The following TENM3 variants were observed in gnomAD, a reference collection of about 807,000 sequenced individuals.
TENM3 encodes the protein teneurin transmembrane protein 3.
Under a neutral mutation model 255.1 loss-of-function variants are expected in TENM3, and 63 were observed. The observed-to-expected ratio is 0.25, with a 90% CI of 0.20 to 0.30. TENM3 has a LOEUF of 0.30. Among genes scored for constraint, TENM3 ranks in the 10% least tolerant of loss-of-function variants. The probability of loss-of-function intolerance (pLI) is 1.00; values close to 1 mark genes in which losing one functional copy is unlikely to be tolerated. For missense variants in TENM3, 2,929 were observed against 3,461.1 expected, an observed-to-expected ratio of 0.85 and a Z score of 3.86; for synonymous variants, 1,306 against 1,322.3, an observed-to-expected ratio of 0.99 and a Z score of 0.27.
At chr4:181,963,729 G>A in the TENM3 span, among the ~76,000 whole-genome samples, 3 of 152,146 alleles carry the variant, frequency 2.0e-5, no homozygotes, top group East Asian at 1.9e-4. Flanking sequence ...TGGATAGAAC[G>A]CAAAGATGAA....
chr4:182,618,603 C>T (rs1237906755), intron 4 of TENM3, among the ~76,000 whole-genome samples: 1 of 148,944 alleles, frequency 6.7e-6, no homozygotes, highest in Non-Finnish European at 1.5e-5. Context: ...ACAAAGCATG[C>T]CTGCTAAGAC....
At chr4:182,755,483 A>G (rs904103486) in intron 22 of TENM3, 16 of 474,930 alleles carry the variant, frequency 3.4e-5, no homozygotes, top group African/African-American at 2.6e-4. Flanking sequence ...TCGAGGCCAC[A>G]GTGAGCTATG....
chr4:182,731,882 C>T (rs374457957), intron 16 of TENM3, among the ~76,000 whole-genome samples: 9 of 151,508 alleles, frequency 5.9e-5, no homozygotes, highest in East Asian at 3.9e-4. Flanking sequence ...CCCGGGTTCA[C>T]GCCATTCTCC....
At chr4:181,512,403 TAGTA>T in the TENM3 span, among the ~76,000 whole-genome samples, 103 of 152,326 alleles carry the variant, frequency 6.8e-4, no homozygotes, top group African/African-American at 2.3e-3. Context: ...CTTTTTTTCT[TAGTA>T]AGAAAATGCC....
chr4:182,588,473 A>G (rs1746267820), intron 3 of TENM3, among the ~76,000 whole-genome samples: 1 of 152,142 alleles, frequency 6.6e-6, no homozygotes, highest in African/African-American at 2.4e-5. Context: ...ATATCATATC[A>G]TATATACTCC....
intron 3 of TENM3, among the ~76,000 whole-genome samples, chr4:182,348,637 A>G (rs900131424): frequency 2.0e-5 from 3 of 152,146 alleles, no homozygotes; most frequent in Admixed American, 2.0e-4. Flanking sequence ...CTTTCCAAAC[A>G]AACCTTCTAT....
intron 6 of TENM3, among the ~76,000 whole-genome samples, chr4:182,657,481 G>A (rs1340692154): frequency 6.6e-6 from 1 of 151,968 alleles, no homozygotes; most frequent in East Asian, 1.9e-4. Context: ...ATCTTTGCGG[G>A]GGTCCTCTTG....
At chr4:181,913,827 T>C in the TENM3 span, among the ~76,000 whole-genome samples, 1 of 152,194 alleles carries the variant, frequency 6.6e-6, no homozygotes, top group Non-Finnish European at 1.5e-5. Context: ...GTCTCTCTCT[T>C]GGATTTTAAA....
chr4:181,528,198 A>G, the TENM3 span, among the ~76,000 whole-genome samples: 1 of 152,150 alleles, frequency 6.6e-6, no homozygotes, highest in Non-Finnish European at 1.5e-5. Flanking sequence ...TTGGACGTTT[A>G]CTTTTTGGTA....
Position 182,781,136 on chromosome 4 carries a change from G to A in TENM3, c.5304+5983G>A, listed in dbSNP as rs546127677. Among the ~76,000 whole-genome samples, 10 of 152,252 alleles carry A rather than the reference G, an allele frequency of 6.6e-5. No homozygotes were observed. The East Asian group carries it at 1.2e-3, about 18-fold the overall frequency. ...GAGAGGGCGTCCCTGTCTTGTGCCA[G>A]TTGTCAAAGGGAATGCTTCCAGTTT... On this transcript the variant is annotated intron_variant, in intron 24 of 27. Transcript: ENST00000511685.
intron 5 of TENM3, among the ~76,000 whole-genome samples, chr4:182,651,117 C>G (rs1160219444): frequency 6.6e-6 from 1 of 151,946 alleles, no homozygotes; most frequent in African/African-American, 2.4e-5. Context: ...ACAATGATGA[C>G]AAATTATTTT....
At chr4:181,969,282 T>C in the TENM3 span, among the ~76,000 whole-genome samples, 1 of 152,162 alleles carries the variant, frequency 6.6e-6, no homozygotes, top group Non-Finnish European at 1.5e-5. Flanking sequence ...TCATGTTTTA[T>C]AACAACTCTG....
At position 182,397,953 on chromosome 4, in the gene TENM3, ACATGTGGCCCCTC is replaced by A. The variant is rs564067790; in HGVS notation, c.511+51033_511+51045del. 8.5e-5 allele frequency among the ~76,000 whole-genome samples: 13 copies of A among 152,268 alleles called. No homozygotes were observed. In the East Asian group the frequency reaches 2.5e-3, roughly 29 times the overall value. ...GCAGTGGTGATTTCATTAGGTTCTTACATGTGGCCCCTCCATGTGGCAGGCTTTAGTTCTCTGT... is the reference window on the plus strand; with the variant it reads ...GCAGTGGTGATTTCATTAGGTTCTTACATGTGGCAGGCTTTAGTTCTCTGT... On this transcript the variant is annotated intron_variant, in intron 3 of 27. Transcript: ENST00000511685.
rs1350829664 is a variant in TENM3, at chr4:182,792,730, A to G, written c.6058A>G (p.Ser2020Gly). Residue 2020 changes from serine (S) to glycine (G), a missense_variant, in exon 26 of 28, where the codon AGC (serine) becomes GGC (glycine). By Grantham distance (56) the Ser-to-Gly change is moderately conservative (BLOSUM62 0). Around this residue, in one of 6 missense-constraint regions of TENM3, gnomAD observed 303 missense variants for 425.2 expected, o/e 0.71. Coordinates refer to ENST00000511685, the MANE Select transcript of TENM3 (RefSeq NM_001080477.4). This position sits in a 1 kb window ranked among gnomAD's most constrained non-coding sequence, Gnocchi z 6.3. ...GATGGTAAATGCAAGATTTGACTAT[A>G]GCTATGACAACAGCTTTCGAGTGAC... The part of the protein sequence containing the change: ...DGMVNARFDY[S>G]YDNSFRVTSM... The G allele has an allele frequency of 6.2e-7, 1 of 1,614,002 alleles. No homozygotes were observed. The highest frequency in any genetic ancestry group is 1.7e-5 in the Admixed American group (1 of 60,030).
At chr4:182,659,281 T>C (rs1050852950) in intron 6 of TENM3, among the ~76,000 whole-genome samples, 2 of 151,712 alleles carry the variant, frequency 1.3e-5, no homozygotes, top group African/African-American at 2.4e-5. Flanking sequence ...TTTAGTTACC[T>C]GTAGTCCACT....
At chr4:181,701,562 TTCTCAGTCTGAAATAAATCA>T in the TENM3 span, among the ~76,000 whole-genome samples, 2 of 52,984 alleles carry the variant, frequency 3.8e-5, no homozygotes, top group Non-Finnish European at 5.7e-5. Context: ...ATAAATCAGT[TTCTCAGTCTGAAATAAATCA>T]GTTTCCCTAA....
intron 1 of TENM3, among the ~76,000 whole-genome samples, chr4:182,265,695 T>C (rs1277731093): frequency 6.6e-6 from 1 of 152,200 alleles, no homozygotes; most frequent in Non-Finnish European, 1.5e-5. Context: ...ACAACTATTG[T>C]AATCTTCTGC....
chr4:181,862,608 T>G, the TENM3 span, among the ~76,000 whole-genome samples: 2 of 152,140 alleles, frequency 1.3e-5, no homozygotes, highest in Non-Finnish European at 2.9e-5. Context: ...TATTTTCAGG[T>G]CTTACGATGT....
intron 3 of TENM3, among the ~76,000 whole-genome samples, chr4:182,357,418 T>A (rs551840970): frequency 2.3e-4 from 35 of 152,352 alleles, no homozygotes; most frequent in African/African-American, 7.9e-4. Context: ...TTCTAACTGG[T>A]GTGAGATGAC....
Sources: gnomAD v4.1 joint callset for allele counts (sites outside exome capture counted in the v4.1 genomes callset) on GRCh38, gnomAD v4.1.1 for gene constraint, gnomAD v4.1.1 regional missense constraint, Gnocchi (gnomAD v3.1) non-coding constraint, MANE v1.5 for transcripts, NCBI Gene and HGNC (gene_info 2026-07-23, HGNC 2026-07-21) for gene names.